The following PTPRG variants were observed in gnomAD, a reference collection of about 807,000 sequenced individuals.
PTPRG encodes the protein receptor-type tyrosine-protein phosphatase gamma.
PTPRG carries 102 observed loss-of-function variants against 165.3 expected under a neutral mutation model. That is an observed-to-expected ratio of 0.62 (90% confidence interval 0.53 to 0.73). The LOEUF (loss-of-function observed/expected upper bound fraction) is 0.73. Among genes scored for constraint, PTPRG ranks in the 30% least tolerant of loss-of-function variants. The probability of loss-of-function intolerance (pLI) is 0.00; values close to 1 mark genes in which losing one functional copy is unlikely to be tolerated. For synonymous variants in PTPRG, 675 were observed against 669.5 expected (o/e 1.01, Z -0.13); for missense variants, 1,866 against 1,861.4 (o/e 1.00, Z -0.05).
In PTPRG at chr3:61,658,282, A is replaced by G. The variant is rs143365034; in HGVS notation, c.86-90596A>G. Among the ~76,000 whole-genome samples, 3 of 152,250 alleles carry G rather than the reference A, an allele frequency of 2.0e-5. No homozygotes were observed. In the East Asian group the frequency reaches 5.8e-4, roughly 29 times the overall value. On this transcript the variant is annotated intron_variant, in intron 1 of 29. Coordinates refer to ENST00000474889, the MANE Select transcript of PTPRG (RefSeq NM_002841.4). Reference sequence around the variant, plus strand: ...AGGACTGGTCACACTGCAGCTGGACATTATGAATTCAGATGTCCCTGATGA... The same window carrying G: ...AGGACTGGTCACACTGCAGCTGGACGTTATGAATTCAGATGTCCCTGATGA...
intron 1 of PTPRG, among the ~76,000 whole-genome samples, chr3:61,738,133 C>T (rs763897196): frequency 5.2e-4 from 78 of 149,286 alleles, no homozygotes; most frequent in Admixed American, 8.7e-4. Flanking sequence ...CTCCTGACCT[C>T]GTGATCCACC....
chr3:61,926,700 T>G (rs977748212), intron 2 of PTPRG, among the ~76,000 whole-genome samples: 10 of 150,926 alleles, frequency 6.6e-5, no homozygotes, highest in Admixed American at 5.3e-4. Context: ...AGCCCAGCCT[T>G]GACTCCCATT....
chr3:61,975,939 A>G (rs570278144), intron 2 of PTPRG, among the ~76,000 whole-genome samples: 2 of 151,976 alleles, frequency 1.3e-5, no homozygotes, highest in South Asian at 2.1e-4. Context: ...ATTTGATGCA[A>G]TTTTATTTGC....
intron 2 of PTPRG, among the ~76,000 whole-genome samples, chr3:61,911,616 C>T (rs2038806462): frequency 6.6e-6 from 1 of 152,048 alleles, no homozygotes; most frequent in African/African-American, 2.4e-5. Context: ...TCATTATATA[C>T]CATGCTGCTG....
At position 61,937,451 on chromosome 3, in the gene PTPRG, T is replaced by C. The variant is rs79992575; in HGVS notation, c.191-52174T>C. Among the ~76,000 whole-genome samples, 1,393 of 152,344 alleles carry C rather than the reference T, an allele frequency of 9.1e-3. 11 individuals carry two copies. Among genetic ancestry groups the C allele is most frequent in the Non-Finnish European group, 0.014 (954 of 68,038 alleles). ...CAAACCCAGTTTCTGGGTGAGGCTG[T>C]CTCTAGATATTATCAGATCCCAAGT... On this transcript the variant is annotated intron_variant, in intron 2 of 29. Coordinates refer to ENST00000474889, the MANE Select transcript of PTPRG (RefSeq NM_002841.4).
intron 5 of PTPRG, among the ~76,000 whole-genome samples, chr3:62,110,699 C>T (rs1356114923): frequency 1.3e-5 from 2 of 152,146 alleles, no homozygotes; most frequent in Admixed American, 1.3e-4. Flanking sequence ...TGCAGAACAC[C>T]AGTATTCTGT....
intron 6 of PTPRG, among the ~76,000 whole-genome samples, chr3:62,150,045 G>A (rs1704271980): frequency 6.6e-6 from 1 of 152,134 alleles, no homozygotes; most frequent in African/African-American, 2.4e-5. Flanking sequence ...CTGCCTTCAG[G>A]CTTTCAATCA....
intron 8 of PTPRG, among the ~76,000 whole-genome samples, chr3:62,184,778 C>T (rs1705805951): frequency 6.6e-6 from 1 of 152,204 alleles, no homozygotes; most frequent in African/African-American, 2.4e-5. Flanking sequence ...TCTGTGTTGA[C>T]AGGCACTGTG....
At chr3:61,983,628 A>G (rs2107682581) in intron 2 of PTPRG, among the ~76,000 whole-genome samples, 1 of 152,300 alleles carries the variant, frequency 6.6e-6, no homozygotes, top group East Asian at 1.9e-4. Flanking sequence ...AGAACCTCTT[A>G]GGTATTTAAA....
chr3:61,796,205 C>T (rs1036107439), intron 2 of PTPRG, among the ~76,000 whole-genome samples: 1 of 152,166 alleles, frequency 6.6e-6, no homozygotes, highest in African/African-American at 2.4e-5. Flanking sequence ...AGACAGATCA[C>T]CCAGGAGGCT....
intron 4 of PTPRG, among the ~76,000 whole-genome samples, chr3:62,073,640 C>G (rs944001555): frequency 1.3e-5 from 2 of 152,116 alleles, no homozygotes; most frequent in Non-Finnish European, 2.9e-5. Context: ...TGCCACCGCA[C>G]CTGGCTAATT....
At chr3:62,258,361 T>G (rs1461883269) in intron 16 of PTPRG, among the ~76,000 whole-genome samples, 1 of 152,198 alleles carries the variant, frequency 6.6e-6, no homozygotes, top group Non-Finnish European at 1.5e-5. Flanking sequence ...TTAGAGTCCT[T>G]GCCCTCAAAG....
chr3:61,798,206 G>A (rs934882597), intron 2 of PTPRG, among the ~76,000 whole-genome samples: 3 of 152,298 alleles, frequency 2.0e-5, no homozygotes, highest in South Asian at 2.1e-4. Context: ...TTTATTAGCT[G>A]TGATATAGGA....
In PTPRG at chr3:61,671,424, T is replaced by C. The variant is rs374899489; in HGVS notation, c.86-77454T>C. On this transcript the variant is annotated intron_variant, in intron 1 of 29. Coordinates refer to ENST00000474889, the MANE Select transcript of PTPRG (RefSeq NM_002841.4). ...TAATCCATTCAACCCTGAGTGGATA[T>C]AGCACATGTTTCAGAGAGCACAGGG... Among the ~76,000 whole-genome samples the C allele has an allele frequency of 1.3e-4, 20 of 151,906 alleles. No homozygotes were observed. The East Asian group carries it at 1.6e-3, about 12-fold the overall frequency.
At chr3:61,607,492 G>A (rs1251195268) in intron 1 of PTPRG, among the ~76,000 whole-genome samples, 2 of 152,076 alleles carry the variant, frequency 1.3e-5, no homozygotes, top group African/African-American at 4.8e-5. Flanking sequence ...CATCGCTACC[G>A]CTCTCATTTC....
chr3:61,567,092 T>C (rs186981313), intron 1 of PTPRG, among the ~76,000 whole-genome samples: 63 of 152,320 alleles, frequency 4.1e-4, no homozygotes, highest in Admixed American at 3.5e-3. Context: ...TGGTTCAGAG[T>C]TGACCTCTGT....
intron 3 of PTPRG, among the ~76,000 whole-genome samples, chr3:61,994,790 C>T (rs1301097456): frequency 6.6e-6 from 1 of 152,202 alleles, no homozygotes; most frequent in Non-Finnish European, 1.5e-5. Flanking sequence ...ATTTCCCTGA[C>T]TGAGCTTGTG....
chr3:62,170,997 A>G (rs966544002), intron 8 of PTPRG, among the ~76,000 whole-genome samples: 2 of 152,144 alleles, frequency 1.3e-5, no homozygotes, highest in Admixed American at 1.3e-4. Flanking sequence ...AGCCTGTTTA[A>G]TAAATTGCAT....
At position 62,203,232 on chromosome 3, in the gene PTPRG, C is replaced by G. The variant is rs1380566146; in HGVS notation, c.1437C>G (p.Thr479=). Residue 479 remains threonine (T), a synonymous_variant, in exon 12 of 30, where the codon ACC becomes ACG. Transcript: ENST00000474889. This position sits in a 1 kb window ranked among gnomAD's most constrained non-coding sequence, Gnocchi z 6.4. The part of the protein sequence containing the change: ...DMAPISSGSS[T]WTSSGIPFSF... ...CCCCCATCAGCTCGGGGTCTTCTAC[C>G]TGGACGTCCTCTGGCATCCCATTCT... 2 of 1,613,494 alleles carry G rather than the reference C, an allele frequency of 1.2e-6. No homozygotes were observed. The highest frequency in any genetic ancestry group is 1.7e-6 in the Non-Finnish European group (2 of 1,179,762).
Sources: allele counts gnomAD v4.1 joint callset (sites outside exome capture counted in the v4.1 genomes callset), GRCh38; gene constraint gnomAD v4.1.1; non-coding constraint Gnocchi (gnomAD v3.1); transcripts MANE v1.5; gene names NCBI Gene and HGNC (gene_info 2026-07-23, HGNC 2026-07-21).